The following DENND4C variants were observed in gnomAD, a reference collection of about 807,000 sequenced individuals.
DENND4C encodes the protein DENN domain-containing protein 4C.
DENND4C carries 108 observed loss-of-function variants against 203.0 expected under a neutral mutation model. The observed-to-expected ratio is 0.53, with a 90% CI of 0.46 to 0.62. DENND4C has a LOEUF of 0.62. Ranked by LOEUF, DENND4C falls within the 20% of genes least tolerant of loss-of-function variation. The pLI, the probability that DENND4C is intolerant of heterozygous loss-of-function variation, is 0.00. For synonymous variants in DENND4C, 871 were observed against 792.4 expected, an observed-to-expected ratio of 1.10 and a Z score of -1.67; for missense variants, 2,481 against 2,301.2, an observed-to-expected ratio of 1.08 and a Z score of -1.60.
chr9:19,319,381 CATATATATATACATAT>C (rs1563799199), intron 12 of DENND4C, among the ~76,000 whole-genome samples: 6 of 135,296 alleles, frequency 4.4e-5, no homozygotes, highest in African/African-American at 1.8e-4. Context: ...TATACACATA[CATATATATATACATAT>C]ATATATACAC....
chr9:19,289,128 A>G (rs1314039070), intron 4 of DENND4C, among the ~76,000 whole-genome samples: 1 of 152,192 alleles, frequency 6.6e-6, no homozygotes, highest in Non-Finnish European at 1.5e-5. Context: ...GCAAAGAATC[A>G]GCTATATGGA....
intron 2 of DENND4C, among the ~76,000 whole-genome samples, chr9:19,279,468 A>C (rs938635639): frequency 1.3e-5 from 2 of 152,100 alleles, no homozygotes; most frequent in Non-Finnish European, 2.9e-5. Flanking sequence ...TGTGGTCAGG[A>C]GTTCAAGACC....
chr9:19,285,577 T>TTTC (rs1384568646), intron 2 of DENND4C, among the ~76,000 whole-genome samples: 2 of 39,062 alleles, frequency 5.1e-5, no homozygotes, highest in African/African-American at 1.1e-4. Flanking sequence ...TCTTTGTGAC[T>TTTC]TTTTTTTTTT....
In DENND4C at chr9:19,357,136, G is replaced by A; in HGVS notation, c.4946G>A (p.Gly1649Asp). 6.2e-7 allele frequency: 1 copy of A among 1,613,820 alleles called. No individual in the cohort carries two copies. Among genetic ancestry groups the A allele is most frequent in the Non-Finnish European group, 8.5e-7 (1 of 1,179,810 alleles). The change falls in exon 27 of 33, where the codon GGC becomes GAC. Residue 1649 changes from glycine to aspartate, a missense_variant. Gly to Asp is a moderately conservative substitution (Grantham distance 94, BLOSUM62 -1). This residue lies in a region of DENND4C where 2,289 missense variants were observed against 2,113.3 expected (regional missense o/e 1.08). Transcript: ENST00000434457. The part of the protein sequence containing the change: ...KHNQIITEET[G>D]SAVEPSDEIK... The stretch of plus-strand genomic sequence containing the variant: ...AACCAGATCATAACTGAAGAAACAG[G>A]CTCTGCAGTTGAACCAAGGTATCAA...
At chr9:19,364,168 G>T (rs1313089959) in intron 30 of DENND4C, among the ~76,000 whole-genome samples, 8 of 151,870 alleles carry the variant, frequency 5.3e-5, no homozygotes, top group Non-Finnish European at 1.0e-4. Context: ...GGGTGACAAA[G>T]TGAGACCTCC....
chr9:19,278,064 C>A (rs1166680932), intron 2 of DENND4C, among the ~76,000 whole-genome samples: 5 of 131,560 alleles, frequency 3.8e-5, no homozygotes, highest in Admixed American at 8.6e-5. Flanking sequence ...ATTCATGAAG[C>A]CTTTTTTTTC....
At chr9:19,235,012 A>T (rs765850230) in intron 1 of DENND4C, among the ~76,000 whole-genome samples, 12 of 149,068 alleles carry the variant, frequency 8.1e-5, no homozygotes, top group Non-Finnish European at 1.5e-4. Context: ...CCGAGGCTGG[A>T]ATGGTGCAAT....
chr9:19,300,375 T>G (rs1838311496), intron 9 of DENND4C, 44 bp downstream of exon 9: 1 of 1,428,106 alleles, frequency 7.0e-7, no homozygotes, highest in African/African-American at 1.4e-5. Flanking sequence ...ACTGACATAA[T>G]TTTTACTCCA....
At chr9:19,362,113 A>G in intron 30 of DENND4C, 150 bp downstream of exon 30, 1 of 511,738 alleles carries the variant, frequency 2.0e-6, no homozygotes, top group Non-Finnish European at 3.5e-6. Flanking sequence ...GTCTCTATTA[A>G]AAATACAAAA....
At chr9:19,279,564 C>G (rs753242793) in intron 2 of DENND4C, among the ~76,000 whole-genome samples, 2 of 151,784 alleles carry the variant, frequency 1.3e-5, no homozygotes, top group Non-Finnish European at 2.9e-5. Context: ...GTAGTTCCTG[C>G]TACTTGGGAG....
chr9:19,345,416 A>C (rs1270385936), intron 22 of DENND4C, among the ~76,000 whole-genome samples: 2 of 152,160 alleles, frequency 1.3e-5, no homozygotes, highest in Admixed American at 6.5e-5. Context: ...TTTTTTAACC[A>C]CTCAGATTTT....
chr9:19,346,253 T>C lies in DENND4C; in HGVS notation c.3484T>C (p.Cys1162Arg). ...VSCHLPDSRT[C>R]MSESTWNPEH... ...CTGTCACCTACCTGATAGTAGGACT[T>C]GTATGTCTGAAAGCACTTGGAATCC... Residue 1162 changes from cysteine (C) to arginine (R), a missense_variant, in exon 23 of 33, where the codon TGT becomes CGT. Cys to Arg is a radical substitution (Grantham distance 180). Coordinates refer to ENST00000434457, the MANE Select transcript of DENND4C (RefSeq NM_001330640.2). 1 of 1,614,166 alleles carries C rather than the reference T, an allele frequency of 6.2e-7. No homozygotes were observed. The highest frequency in any genetic ancestry group is 8.5e-7 in the Non-Finnish European group (1 of 1,180,028).
rs373773630 is a variant in DENND4C, at chr9:19,300,275, C to G, written c.1255C>G (p.Leu419Val). ...CTTTGTTTTACTTGAGAGTAAAATT[C>G]TGCTGCATTCTCTTAGGCCAGCTGT... Reference protein sequence around the residue: ...LLFVLLESKILLHSLRPAVLT... With the variant: ...LLFVLLESKIVLHSLRPAVLT... The change falls in exon 9 of 33, where the codon CTG becomes GTG. Residue 419 changes from leucine (L) to valine (V), a missense_variant. Leu to Val is a conservative substitution (Grantham distance 32). Coordinates refer to ENST00000434457, the MANE Select transcript of DENND4C (RefSeq NM_001330640.2). 2 of 1,611,994 alleles carry G rather than the reference C, an allele frequency of 1.2e-6. No homozygotes were observed. The highest frequency in any genetic ancestry group is 1.7e-6 in the Non-Finnish European group (2 of 1,178,554).
chr9:19,359,966 GA>G (rs150618345), intron 28 of DENND4C, among the ~76,000 whole-genome samples: 52 of 151,930 alleles, frequency 3.4e-4, no homozygotes, highest in African/African-American at 7.5e-4. Flanking sequence ...TATAAAAATT[GA>G]AAAAAACCTA....
Position 19,305,411 on chromosome 9 carries a change from T to C in DENND4C, c.1371T>C (p.Ala457=). 1 of 1,613,960 alleles carries C rather than the reference T, an allele frequency of 6.2e-7. No homozygotes were observed. The highest frequency in any genetic ancestry group is 8.5e-7 in the Non-Finnish European group (1 of 1,179,896). ...TTCCCCTTTGTCCTCTTTCACTGGCTGCAGTGCTTAGTGCACCTTTACCAT... is the reference window on the plus strand; with the variant it reads ...TTCCCCTTTGTCCTCTTTCACTGGCCGCAGTGCTTAGTGCACCTTTACCAT... ...PYIPLCPLSL[A]AVLSAPLPFI... is the part of the protein sequence containing the mutation. Residue 457 remains alanine, a synonymous_variant, in exon 10 of 33, where the codon GCT becomes GCC. Coordinates refer to ENST00000434457, the MANE Select transcript of DENND4C (RefSeq NM_001330640.2).
intron 1 of DENND4C, among the ~76,000 whole-genome samples, chr9:19,275,285 T>A (rs1273374036): frequency 8.2e-6 from 1 of 122,066 alleles, no homozygotes; most frequent in Non-Finnish European, 1.6e-5. Context: ...GCCTTTTTTT[T>A]TTTTTTCTTT....
rs148219747 is a variant in DENND4C, at chr9:19,331,985, A to G, written c.2261A>G (p.Lys754Arg). 5.0e-6 allele frequency: 8 copies of G among 1,613,262 alleles called. No homozygotes were observed. The African/African-American group carries it at 5.3e-5, about 11-fold the overall frequency. ...ATTTTATTCTCTTTCTAGGAAATAA[A>G]AACAGCTCATAAATTGGCGAAGAGA... is the stretch of plus-strand genomic sequence containing the variant. ...LMAKRTKQEI[K>R]TAHKLAKRCY... The change falls in exon 17 of 33, where the codon AAA (lysine) becomes AGA (arginine). Residue 754 changes from lysine to arginine, a missense_variant. Lys to Arg is a conservative substitution (Grantham distance 26, BLOSUM62 2). Transcript: ENST00000434457.
intron 22 of DENND4C, among the ~76,000 whole-genome samples, chr9:19,344,157 C>T (rs1021665170): frequency 9.2e-5 from 14 of 152,246 alleles, no homozygotes; most frequent in African/African-American, 3.4e-4. Flanking sequence ...TCTAAGACAG[C>T]TTTTTTCCTT....
At chr9:19,332,396 AC>A (rs1819419325) in intron 17 of DENND4C, among the ~76,000 whole-genome samples, 1 of 150,986 alleles carries the variant, frequency 6.6e-6, no homozygotes. Flanking sequence ...TCACTCTGTC[AC>A]CCAGGCTGGA....
Sources: allele counts gnomAD v4.1 joint callset (sites outside exome capture counted in the v4.1 genomes callset), GRCh38; gene constraint gnomAD v4.1.1; regional missense constraint gnomAD v4.1.1; transcripts MANE v1.5; gene names NCBI Gene and HGNC (gene_info 2026-07-23, HGNC 2026-07-21).